SLCO1B3: variants seen among roughly 807,000 people sequenced by gnomAD.
SLCO1B3 encodes the protein liver-specific organic anion transporter 2.
SLCO1B3 carries 72 observed loss-of-function variants against 71.8 expected under a neutral mutation model. The ratio of observed to expected loss-of-function variants is 1.00; its 90% confidence interval spans 0.83 to 1.22. The LOEUF (loss-of-function observed/expected upper bound fraction) is 1.22. Ranked by LOEUF, SLCO1B3 falls within the 50% of genes most tolerant of loss-of-function variation. The probability of loss-of-function intolerance (pLI) is 0.00; values close to 1 mark genes in which losing one functional copy is unlikely to be tolerated. For missense variants in SLCO1B3, 911 were observed against 819.7 expected (o/e 1.11, Z -1.36); for synonymous variants, 298 against 278.4 (o/e 1.07, Z -0.70).
intron 13 of SLCO1B3, among the ~76,000 whole-genome samples, chr12:20,888,288 G>A (rs1865830130): frequency 6.6e-6 from 1 of 151,888 alleles, no homozygotes; most frequent in Non-Finnish European, 1.5e-5. Flanking sequence ...GTTTTGGGCA[G>A]GATGGTCATT....
chr12:20,845,292 G>C (rs1864892907), intron 3 of SLCO1B3: 16 of 289,196 alleles, frequency 5.5e-5, no homozygotes, highest in Non-Finnish European at 8.9e-5. Context: ...TTAGTGAAAA[G>C]GTTTGACCCT....
chr12:20,909,934 ATATATGCCTGGAT>A (rs1866341422), intron 15 of SLCO1B3, among the ~76,000 whole-genome samples: 1 of 152,202 alleles, frequency 6.6e-6, no homozygotes, highest in Non-Finnish European at 1.5e-5. Flanking sequence ...CAAACCTGGA[ATATATGCCTGGAT>A]AACTGTTTTA....
At chr12:20,827,493 A>G (rs1864447344) in intron 3 of SLCO1B3, among the ~76,000 whole-genome samples, 1 of 152,202 alleles carries the variant, frequency 6.6e-6, no homozygotes, top group African/African-American at 2.4e-5. Flanking sequence ...CTTATTAGTC[A>G]TGAAGATAAA....
intron 3 of SLCO1B3, among the ~76,000 whole-genome samples, chr12:20,820,284 A>G (rs1270251469): frequency 6.6e-6 from 1 of 152,152 alleles, no homozygotes; most frequent in African/African-American, 2.4e-5. Context: ...TTCAGCCGCT[A>G]CGCCAAGAAG....
intron 15 of SLCO1B3, among the ~76,000 whole-genome samples, chr12:20,914,416 C>A (rs565564511): frequency 6.6e-6 from 1 of 151,976 alleles, no homozygotes; most frequent in African/African-American, 2.4e-5. Context: ...AACCCTAATT[C>A]TTCTTTCCTA....
In SLCO1B3 at chr12:20,913,051, G is replaced by T. The variant is rs1477878287; in HGVS notation, c.1866-2953G>T. 2.0e-5 allele frequency among the ~76,000 whole-genome samples: 3 copies of T among 152,134 alleles called. No homozygotes were observed. In the East Asian group the frequency reaches 5.8e-4, roughly 29 times the overall value. ...TGAATATTCTATATGAGCTTGGGAAGACTTTGTAGTCTGTTGCTGTTTGAT... is the reference window on the plus strand; with the variant it reads ...TGAATATTCTATATGAGCTTGGGAATACTTTGTAGTCTGTTGCTGTTTGAT... On this transcript the variant is annotated intron_variant, in intron 15 of 15. Transcript: ENST00000381545.
At position 20,858,587 on chromosome 12, in the gene SLCO1B3, C is replaced by T; in HGVS notation, c.359+16C>T. ...TCATGGGATAGTAAGTGTTAAACAG[C>T]TCTGAGCCATTTATTATCAGCTACT... On this transcript the variant is annotated intron_variant, in intron 5 of 15. Coordinates refer to ENST00000381545, the MANE Select transcript of SLCO1B3 (RefSeq NM_019844.4). The T allele has an allele frequency of 6.3e-7, 1 of 1,583,708 alleles. No individual in the cohort carries two copies. The highest frequency in any genetic ancestry group is 8.6e-7 in the Non-Finnish European group (1 of 1,164,956).
intron 11 of SLCO1B3, among the ~76,000 whole-genome samples, chr12:20,879,908 G>T (rs1865657757): frequency 6.6e-6 from 1 of 151,978 alleles, no homozygotes; most frequent in Non-Finnish European, 1.5e-5. Context: ...TTTTATAGAT[G>T]GGAAAGTGAG....
At chr12:20,854,910 A>AT (rs1565590333) in intron 3 of SLCO1B3, 118 bp from the exon 4 acceptor site, 8 of 957,722 alleles carry the variant, frequency 8.4e-6, no homozygotes, top group South Asian at 4.7e-5. Context: ...AAAAATGGGT[A>AT]TTTTTTTATG....
At chr12:20,868,408 T>C (rs1186586261) in intron 8 of SLCO1B3, among the ~76,000 whole-genome samples, 4 of 152,016 alleles carry the variant, frequency 2.6e-5, no homozygotes. Context: ...AGGCACAATG[T>C]TGTACAGCGG....
intron 3 of SLCO1B3, among the ~76,000 whole-genome samples, chr12:20,821,207 A>ATG (rs1447975451): frequency 1.3e-5 from 2 of 152,174 alleles, no homozygotes; most frequent in African/African-American, 4.8e-5. Context: ...GTGTAAAAGA[A>ATG]TGCCTGGACA....
intron 8 of SLCO1B3, among the ~76,000 whole-genome samples, chr12:20,864,747 C>A (rs138178122): frequency 1.3e-5 from 2 of 152,216 alleles, no homozygotes; most frequent in East Asian, 3.9e-4. Context: ...ACTGTTCAGA[C>A]CTTATCACAT....
chr12:20,907,734 C>T (rs1044165303), intron 15 of SLCO1B3, among the ~76,000 whole-genome samples: 14 of 151,802 alleles, frequency 9.2e-5, no homozygotes, highest in Non-Finnish European at 1.3e-4. Flanking sequence ...GTCTCAAACT[C>T]CTGACCTCAG....
At chr12:20,881,664 TAACTC>T (rs149257340) in intron 12 of SLCO1B3, among the ~76,000 whole-genome samples, 2,203 of 152,262 alleles carry the variant, frequency 0.014, 51 homozygotes, top group African/African-American at 0.05. Flanking sequence ...ATTTCTTTCT[TAACTC>T]AAAGGCTTTT....
At chr12:20,874,111 G>A (rs1225139830) in intron 8 of SLCO1B3, among the ~76,000 whole-genome samples, 2 of 151,934 alleles carry the variant, frequency 1.3e-5, no homozygotes, top group Non-Finnish European at 2.9e-5. Flanking sequence ...TATTCCTTTG[G>A]GTATATACCC....
chr12:20,912,884 TC>T (rs57481109), intron 15 of SLCO1B3, among the ~76,000 whole-genome samples: 116,651 of 148,394 alleles, frequency 0.79, 50,281 homozygotes, highest in South Asian at 0.95. Flanking sequence ...ACCATGTTGA[TC>T]AGTCTTGTGT....
chr12:20,823,944 A>C (rs942223264), intron 3 of SLCO1B3, among the ~76,000 whole-genome samples: 1 of 152,198 alleles, frequency 6.6e-6, no homozygotes, highest in Non-Finnish European at 1.5e-5. Flanking sequence ...ATGTCATTCC[A>C]GTCAAGGACT....
chr12:20,824,362 G>A (rs1334481810), intron 3 of SLCO1B3, among the ~76,000 whole-genome samples: 2 of 152,088 alleles, frequency 1.3e-5, no homozygotes, highest in Non-Finnish European at 2.9e-5. Context: ...TCCATGAAAG[G>A]CCTGGACATT....
At chr12:20,864,309 C>T (rs2121259120) in intron 8 of SLCO1B3, among the ~76,000 whole-genome samples, 1 of 151,904 alleles carries the variant, frequency 6.6e-6, no homozygotes, top group East Asian at 1.9e-4. Context: ...TACTTACCCA[C>T]CATCTCTTTG....
Sources: gnomAD v4.1 joint callset for allele counts (sites outside exome capture counted in the v4.1 genomes callset) on GRCh38, gnomAD v4.1.1 for gene constraint, MANE v1.5 for transcripts, NCBI Gene and HGNC (gene_info 2026-07-23, HGNC 2026-07-21) for gene names.